SLC35F3: variants seen among roughly 807,000 people sequenced by gnomAD.
SLC35F3 encodes solute carrier family 35 member F3.
SLC35F3 carries 25 observed loss-of-function variants against 49.9 expected under a neutral mutation model. The observed-to-expected ratio is 0.50, with a 90% CI of 0.37 to 0.70. SLC35F3 has a LOEUF of 0.70. Among genes scored for constraint, SLC35F3 ranks in the 30% least tolerant of loss-of-function variants. The probability of loss-of-function intolerance (pLI) is 0.00; values close to 1 mark genes in which losing one functional copy is unlikely to be tolerated. For synonymous variants in SLC35F3, 275 were observed against 265.4 expected (o/e 1.04, Z -0.35); for missense variants, 525 against 639.8 (o/e 0.82, Z 1.94).
At chr1:233,972,663 A>G (rs776065816) in intron 2 of SLC35F3, among the ~76,000 whole-genome samples, 7 of 152,300 alleles carry the variant, frequency 4.6e-5, no homozygotes, top group Non-Finnish European at 5.9e-5. Flanking sequence ...CATCATCATC[A>G]TAATTATTAC....
At chr1:233,923,536 G>C (rs1319171011) in intron 2 of SLC35F3, among the ~76,000 whole-genome samples, 4 of 152,182 alleles carry the variant, frequency 2.6e-5, no homozygotes, top group Non-Finnish European at 4.4e-5. Context: ...ATCAGCTTAA[G>C]GAGATTTTGG....
intron 2 of SLC35F3, among the ~76,000 whole-genome samples, chr1:234,204,681 A>C (rs958696946): frequency 6.6e-6 from 1 of 152,202 alleles, no homozygotes; most frequent in African/African-American, 2.4e-5. Flanking sequence ...CCTGCCGGGA[A>C]CTCTAGGGAA....
chr1:234,162,380 GCAA>G (rs1666241388), intron 2 of SLC35F3, among the ~76,000 whole-genome samples: 2 of 48,690 alleles, frequency 4.1e-5, no homozygotes, highest in Admixed American at 3.2e-4. Context: ...AAGCCTCTGT[GCAA>G]AAAAAAAAAA....
chr1:234,118,689 A>G (rs10910344), intron 2 of SLC35F3, among the ~76,000 whole-genome samples: 21,040 of 152,072 alleles, frequency 0.14, 3,192 homozygotes, highest in East Asian at 0.81. Context: ...AGCAGCAGCA[A>G]AATTCTTATT....
At chr1:234,212,441 C>T (rs1230677471) in intron 2 of SLC35F3, among the ~76,000 whole-genome samples, 1 of 152,198 alleles carries the variant, frequency 6.6e-6, no homozygotes, top group Non-Finnish European at 1.5e-5. Context: ...TGCATTTTAT[C>T]TCTCCAACAT....
chr1:233,973,451 G>T (rs1015865639), intron 2 of SLC35F3, among the ~76,000 whole-genome samples: 2 of 152,162 alleles, frequency 1.3e-5, no homozygotes, highest in Non-Finnish European at 2.9e-5. Context: ...GGAGTCTGAT[G>T]GCATTGACTG....
intron 2 of SLC35F3, among the ~76,000 whole-genome samples, chr1:233,939,230 T>A (rs964108409): frequency 5.3e-5 from 8 of 152,132 alleles, no homozygotes; most frequent in African/African-American, 1.9e-4. Flanking sequence ...GGCAAGTGGA[T>A]CTCTTGAGGC....
chr1:233,928,662 A>G (rs1662197242), intron 2 of SLC35F3, among the ~76,000 whole-genome samples: 1 of 152,172 alleles, frequency 6.6e-6, no homozygotes, highest in Admixed American at 6.6e-5. Context: ...GTTAGTGACA[A>G]CTTTGGTTAA....
At chr1:234,091,163 C>T (rs1202519906) in intron 2 of SLC35F3, among the ~76,000 whole-genome samples, 2 of 152,168 alleles carry the variant, frequency 1.3e-5, no homozygotes, top group Admixed American at 1.3e-4. Flanking sequence ...TCCCACTAAC[C>T]GAACTCCTAC....
intron 2 of SLC35F3, among the ~76,000 whole-genome samples, chr1:233,923,092 G>A (rs1375203378): frequency 6.6e-6 from 1 of 152,144 alleles, no homozygotes; most frequent in East Asian, 1.9e-4. Flanking sequence ...GATGCCTCCA[G>A]GTTTGTTCTT....
chr1:234,135,703 G>T (rs1479946972), intron 2 of SLC35F3, among the ~76,000 whole-genome samples: 2 of 152,234 alleles, frequency 1.3e-5, no homozygotes, highest in Non-Finnish European at 2.9e-5. Flanking sequence ...CAGTACTCAG[G>T]TCTTTACTGA....
At chr1:234,054,122 G>C (rs1217406514) in intron 2 of SLC35F3, among the ~76,000 whole-genome samples, 2 of 152,090 alleles carry the variant, frequency 1.3e-5, no homozygotes, top group Non-Finnish European at 2.9e-5. Flanking sequence ...ATGTGTCTTG[G>C]AGTTGCTCCT....
chr1:233,970,286 C>T (rs1662971732), intron 2 of SLC35F3, among the ~76,000 whole-genome samples: 1 of 152,150 alleles, frequency 6.6e-6, no homozygotes, highest in African/African-American at 2.4e-5. Context: ...TCAGTGAGTT[C>T]TTCAGAAGAA....
intron 3 of SLC35F3, among the ~76,000 whole-genome samples, chr1:234,237,948 C>A (rs140807344): frequency 8.5e-5 from 13 of 152,212 alleles, no homozygotes; most frequent in South Asian, 8.3e-4. Flanking sequence ...AAGCGATCTG[C>A]CCACCTTGGC....
At chr1:234,228,078 C>A (rs1667315567) in intron 2 of SLC35F3, among the ~76,000 whole-genome samples, 1 of 152,180 alleles carries the variant, frequency 6.6e-6, no homozygotes, top group African/African-American at 2.4e-5. Flanking sequence ...TAGGATCAGT[C>A]CACATCTGAG....
intron 2 of SLC35F3, among the ~76,000 whole-genome samples, chr1:233,940,446 C>T (rs1308640257): frequency 1.3e-5 from 2 of 152,066 alleles, no homozygotes; most frequent in Admixed American, 6.6e-5. Flanking sequence ...TGCCATTCTG[C>T]TCCATCTGCT....
chr1:234,062,225 A>G (rs1664552330), intron 2 of SLC35F3, among the ~76,000 whole-genome samples: 1 of 152,136 alleles, frequency 6.6e-6, no homozygotes, highest in Non-Finnish European at 1.5e-5. Context: ...TTATAGCTCC[A>G]TTGCCTGAAG....
rs769025992 is a variant in SLC35F3, at chr1:234,195,146, C to T, written c.284-36271C>T. ...GCAAGTGGAAAGTAACCCAAGGACA[C>T]GTGTGGACAGAACCCTTCCACTGTC... On this transcript the variant is annotated intron_variant, in intron 2 of 7. Coordinates refer to ENST00000366618, the MANE Select transcript of SLC35F3 (RefSeq NM_173508.4). Among the ~76,000 whole-genome samples the T allele has an allele frequency of 3.3e-5, 5 of 152,214 alleles. 1 individual carries two copies. The highest frequency in any genetic ancestry group is 1.2e-4 in the African/African-American group (5 of 41,454).
chr1:234,290,691 AAATT>A (rs1668493380), intron 3 of SLC35F3, among the ~76,000 whole-genome samples: 1 of 152,212 alleles, frequency 6.6e-6, no homozygotes, highest in Non-Finnish European at 1.5e-5. Context: ...ACCACTTAGA[AAATT>A]AATCAAACCA....
Sources: allele counts gnomAD v4.1 joint callset (sites outside exome capture counted in the v4.1 genomes callset), GRCh38; gene constraint gnomAD v4.1.1; transcripts MANE v1.5; gene names NCBI Gene and HGNC (gene_info 2026-07-23, HGNC 2026-07-21).